Variants in ZHX2 observed in about 807,000 individuals in gnomAD.
ZHX2 encodes the protein zinc fingers and homeoboxes protein 2.
In ZHX2, 6 loss-of-function variants were observed where a neutral mutation model predicts 21.9. That is an observed-to-expected ratio of 0.27 (90% CI 0.15 to 0.54). The LOEUF is 0.54. Among genes scored for constraint, ZHX2 ranks in the 20% least tolerant of loss-of-function variants. The pLI is 0.95. For synonymous variants in ZHX2, 434 were observed against 437.1 expected, an observed-to-expected ratio of 0.99 and a Z score of 0.09; for missense variants, 908 against 1,090.7, an observed-to-expected ratio of 0.83 and a Z score of 2.36.
intron 1 of ZHX2, among the ~76,000 whole-genome samples, chr8:122,857,963 A>C (rs1819067746): frequency 6.6e-6 from 1 of 152,228 alleles, no homozygotes; most frequent in Admixed American, 6.5e-5. Flanking sequence ...TTTATTCCAT[A>C]TGACCAGCAT....
intron 1 of ZHX2, among the ~76,000 whole-genome samples, chr8:122,835,677 G>C (rs1586309125): frequency 6.6e-6 from 1 of 152,118 alleles, no homozygotes; most frequent in African/African-American, 2.4e-5. Flanking sequence ...AAAGAGGTAG[G>C]GTCGGGAAGA....
chr8:122,824,976 C>A (rs1295963203), intron 1 of ZHX2, among the ~76,000 whole-genome samples: 2 of 152,216 alleles, frequency 1.3e-5, no homozygotes, highest in Non-Finnish European at 2.9e-5. Flanking sequence ...CCGCATCATT[C>A]CAACATTGAC....
intron 2 of ZHX2, among the ~76,000 whole-genome samples, chr8:122,874,584 C>T (rs1419362359): frequency 1.3e-5 from 2 of 152,130 alleles, no homozygotes; most frequent in African/African-American, 2.4e-5. Flanking sequence ...CCGCCTACCT[C>T]GGCCTCCCAA....
In ZHX2 at chr8:122,953,992, G is replaced by T. The variant is rs757024481; in HGVS notation, c.2482G>T (p.Asp828Tyr). Residue 828 changes from aspartate (D) to tyrosine (Y), a missense_variant, in exon 3 of 4, where the codon GAC becomes TAC. Physicochemically the swap from Asp to Tyr is radical, Grantham distance 160. Coordinates refer to ENST00000314393, the MANE Select transcript of ZHX2 (RefSeq NM_014943.5). This position sits in a 1 kb window ranked among gnomAD's most constrained non-coding sequence, Gnocchi z 4.6. ...GTCGGAACTGGCTGAATCAGACTCC[G>T]ACTGCGTCCCTGCAGAGGCTGGCCA... ...GVSELAESDS[D>Y]CVPAEAGQA 1 of 1,609,674 alleles carries T rather than the reference G, an allele frequency of 6.2e-7. No individual in the cohort carries two copies. Among genetic ancestry groups the T allele is most frequent in the Non-Finnish European group, 8.5e-7 (1 of 1,177,256 alleles).
chr8:122,959,382 TTGAA>T (rs142115173), intron 3 of ZHX2, among the ~76,000 whole-genome samples: 1 of 151,502 alleles, frequency 6.6e-6, no homozygotes, highest in African/African-American at 2.4e-5. Flanking sequence ...ATGCAGATAT[TTGAA>T]TGAATGAATG....
At chr8:122,904,521 G>C (rs1016535124) in intron 2 of ZHX2, among the ~76,000 whole-genome samples, 5 of 152,108 alleles carry the variant, frequency 3.3e-5, no homozygotes, top group Non-Finnish European at 7.4e-5. Flanking sequence ...AGACACTCCT[G>C]ACTCCTCCCA....
In ZHX2 at chr8:122,892,049, G is replaced by GTC. The variant is rs946495223; in HGVS notation, c.-220+28521_-220+28522dup. Among the ~76,000 whole-genome samples the GTC allele has an allele frequency of 7.2e-5, 11 of 152,094 alleles. No homozygotes were observed. In the East Asian group the frequency reaches 1.2e-3, roughly 16 times the overall value. On this transcript the variant is annotated intron_variant, in intron 2 of 3. Transcript: ENST00000314393. ...AGTCCTCAGCTATTATTATATTGGGGTCTCTCTCTCTCCCTTTAGGTCTAG... is the reference window on the plus strand; with the variant it reads ...AGTCCTCAGCTATTATTATATTGGGGTCTCTCTCTCTCTCCCTTTAGGTCTAG...
At position 122,962,234 on chromosome 8, in the gene ZHX2, T is replaced by C. The variant is rs1813474309; in HGVS notation, c.*4+8206T>C. 2.6e-5 allele frequency among the ~76,000 whole-genome samples: 4 copies of C among 152,212 alleles called. No homozygotes were observed. In the South Asian group the frequency reaches 8.3e-4, roughly 32 times the overall value. On this transcript the variant is annotated intron_variant, in intron 3 of 3. Coordinates refer to ENST00000314393, the MANE Select transcript of ZHX2 (RefSeq NM_014943.5). ...TTCGGTGCACCTATCACCCGAGCAG[T>C]GTACACTGCACCCAATGTGTGCTCT...
intron 2 of ZHX2, among the ~76,000 whole-genome samples, chr8:122,922,481 G>A (rs538667041): frequency 3.3e-5 from 5 of 152,206 alleles, no homozygotes; most frequent in Admixed American, 6.5e-5. Context: ...CATTGCTCCT[G>A]TGAGACTCTG....
intron 2 of ZHX2, among the ~76,000 whole-genome samples, chr8:122,927,830 A>C (rs1206156023): frequency 2.0e-5 from 3 of 152,218 alleles, no homozygotes; most frequent in Non-Finnish European, 4.4e-5. Flanking sequence ...ATATTGGCAG[A>C]TCAAGATCCC....
intron 3 of ZHX2, among the ~76,000 whole-genome samples, chr8:122,956,828 G>T (rs977361753): frequency 4.6e-5 from 7 of 152,152 alleles, no homozygotes; most frequent in African/African-American, 1.7e-4. Context: ...CTGAGTGGGA[G>T]GTTGTCTAGG....
At chr8:122,929,471 T>C (rs1024847591) in intron 2 of ZHX2, among the ~76,000 whole-genome samples, 2 of 152,074 alleles carry the variant, frequency 1.3e-5, no homozygotes, top group Non-Finnish European at 2.9e-5. Flanking sequence ...GGTAAAACCC[T>C]GTGTCTACTA....
chr8:122,853,223 A>T (rs751870870), intron 1 of ZHX2, among the ~76,000 whole-genome samples: 1 of 152,052 alleles, frequency 6.6e-6, no homozygotes, highest in Non-Finnish European at 1.5e-5. Flanking sequence ...CATCATCATG[A>T]TACTCTCCAT....
At chr8:122,959,235 A>G (rs972465869) in intron 3 of ZHX2, among the ~76,000 whole-genome samples, 1 of 152,170 alleles carries the variant, frequency 6.6e-6, no homozygotes, top group Admixed American at 6.5e-5. Context: ...AGAGGAAAAA[A>G]TTGTGAAATG....
At chr8:122,922,006 G>C (rs1011889200) in intron 2 of ZHX2, among the ~76,000 whole-genome samples, 2 of 152,146 alleles carry the variant, frequency 1.3e-5, no homozygotes, top group Admixed American at 6.6e-5. Flanking sequence ...ATACACAGGG[G>C]CCTCTAGAAG....
At chr8:122,804,821 T>C (rs901400651) in intron 1 of ZHX2, among the ~76,000 whole-genome samples, 14 of 152,096 alleles carry the variant, frequency 9.2e-5, no homozygotes, top group Non-Finnish European at 1.5e-4. Context: ...CAAACCCAGG[T>C]CTGTCTCACT....
chr8:122,862,824 C>T (rs1037598330), intron 1 of ZHX2, among the ~76,000 whole-genome samples: 1 of 152,204 alleles, frequency 6.6e-6, no homozygotes, highest in Non-Finnish European at 1.5e-5. Flanking sequence ...GGTGGCTGCT[C>T]CGTGCACATG....
intron 2 of ZHX2, among the ~76,000 whole-genome samples, chr8:122,875,428 C>T (rs559000902): frequency 1.8e-4 from 28 of 152,116 alleles, no homozygotes; most frequent in Admixed American, 4.6e-4. Context: ...TTGCTGACCT[C>T]AGAAAGAACA....
At chr8:122,802,840 T>C (rs1817746050) in intron 1 of ZHX2, among the ~76,000 whole-genome samples, 1 of 152,152 alleles carries the variant, frequency 6.6e-6, no homozygotes, top group Non-Finnish European at 1.5e-5. Context: ...CTGTGTTTAT[T>C]TACTGCTCTG....
Sources: gnomAD v4.1 joint callset for allele counts (sites outside exome capture counted in the v4.1 genomes callset) on GRCh38, gnomAD v4.1.1 for gene constraint, Gnocchi (gnomAD v3.1) non-coding constraint, MANE v1.5 for transcripts, NCBI Gene and HGNC (gene_info 2026-07-23, HGNC 2026-07-21) for gene names.